Variants in CTNND1 observed in about 807,000 individuals in gnomAD.
CTNND1 encodes catenin delta 1.
A neutral mutation model predicts 112.1 loss-of-function variants in CTNND1; 16 were observed. That is an observed-to-expected ratio of 0.14 (90% confidence interval 0.10 to 0.22). The LOEUF is 0.22. CTNND1 is among the 10% of genes least tolerant of loss of function. The pLI is 1.00. For missense variants in CTNND1, 1,008 were observed against 1,257.0 expected (o/e 0.80, Z 3.00); for synonymous variants, 420 against 446.5 (o/e 0.94, Z 0.75).
At chr11:57,773,141 ATGG>A (rs1246552692) in intron 1 of CTNND1, among the ~76,000 whole-genome samples, 1 of 152,116 alleles carries the variant, frequency 6.6e-6, no homozygotes, top group African/African-American at 2.4e-5. Flanking sequence ...TCATATATAG[ATGG>A]TGTGAGATGT....
rs997471761 is a variant in CTNND1 at position 57,816,965 on chromosome 11, G to A, written c.*657G>A. ...AGGCAGGGACCATCAAGAACCTACA[G>A]ACTCCATCTCTTCTGCAAGCCTCAT... On this transcript the variant is annotated 3_prime_UTR_variant, in exon 21 of 21. Coordinates refer to ENST00000399050, the MANE Select transcript of CTNND1 (RefSeq NM_001085458.2). The A allele has an allele frequency of 6.5e-6, 1 of 154,030 alleles. No homozygotes were observed. The highest frequency in any genetic ancestry group is 1.4e-5 in the Non-Finnish European group (1 of 69,248). The allele number at this position is 154,030 out of a possible 1,614,324, so 9.5% of individuals were successfully genotyped here. A position where few individuals can be genotyped will look rare whatever the true frequency, so the allele number is the denominator to read the frequency against.
chr11:57,791,784 C>T (rs1488929286), intron 3 of CTNND1, 111 bp downstream of exon 3: 16 of 1,192,448 alleles, frequency 1.3e-5, no homozygotes, highest in East Asian at 1.2e-4. Context: ...GTCCAGTGCC[C>T]GTTCTTCCAG....
chr11:57,796,845 T>A lies in CTNND1; in HGVS notation c.809T>A (p.Val270Glu). The change falls in exon 6 of 21, where the codon GTG becomes GAG. Residue 270 changes from valine to glutamate, a missense_variant. Physicochemically the swap from Val to Glu is moderately radical, Grantham distance 121. Transcript: ENST00000399050. ...CAGGTTCGGGTAGGTGGGAGCAGCG[T>A]GGATCTGCATCGCTTTCATCCAGAG... is the stretch of plus-strand genomic sequence containing the variant. ...QPQVRVGGSS[V>E]DLHRFHPEPY... 3.7e-6 allele frequency: 6 copies of A among 1,612,024 alleles called. No homozygotes were observed. The highest frequency in any genetic ancestry group is 5.1e-6 in the Non-Finnish European group (6 of 1,178,638).
intron 1 of CTNND1, among the ~76,000 whole-genome samples, chr11:57,771,406 TG>T (rs1464907770): frequency 1.4e-5 from 2 of 145,902 alleles, no homozygotes; most frequent in Non-Finnish European, 3.0e-5. Context: ...CGTCTCAGGG[TG>T]GGGGTGAGGT....
In CTNND1 at chr11:57,791,592, G is replaced by A. The variant is rs759512445; in HGVS notation, c.114G>A (p.Ser38=). 7 of 1,611,468 alleles carry A rather than the reference G, an allele frequency of 4.3e-6. No homozygotes were observed. Among genetic ancestry groups the A allele is most frequent in the Non-Finnish European group, 5.1e-6 (6 of 1,178,886 alleles). ...RALEEERRHV[S]AQLERVRVSP... ...TGGAGGAGGAACGGCGCCACGTCTC[G>A]GCGCAGCTGGAACGCGTCCGGGTCT... is the stretch of plus-strand genomic sequence containing the variant. Residue 38 remains serine, a synonymous_variant, in exon 3 of 21, where the codon TCG becomes TCA. Coordinates refer to ENST00000399050, the MANE Select transcript of CTNND1 (RefSeq NM_001085458.2).
intron 1 of CTNND1, among the ~76,000 whole-genome samples, chr11:57,775,823 T>C (rs1398972360): frequency 6.6e-6 from 1 of 152,228 alleles, no homozygotes; most frequent in Non-Finnish European, 1.5e-5. Context: ...TTTTCCTTAC[T>C]TGAAACATGT....
intron 17 of CTNND1, among the ~76,000 whole-genome samples, chr11:57,813,174 A>C (rs902873435): frequency 3.3e-5 from 5 of 152,004 alleles, no homozygotes; most frequent in African/African-American, 4.8e-5. Flanking sequence ...GTACAAAAAA[A>C]TTAGCCAGGC....
At chr11:57,809,149 G>A in intron 14 of CTNND1, 125 bp from the exon 15 acceptor site, 1 of 665,392 alleles carries the variant, frequency 1.5e-6, no homozygotes. Flanking sequence ...TAATCCTATA[G>A]GATAATGAAG....
At chr11:57,765,906 C>T (rs548697857) in intron 1 of CTNND1, among the ~76,000 whole-genome samples, 12 of 152,242 alleles carry the variant, frequency 7.9e-5, no homozygotes, top group African/African-American at 2.9e-4. Flanking sequence ...TGCGGTGGCT[C>T]ACGCCTGTGA....
In CTNND1 at chr11:57,783,425, C is replaced by T. The variant is rs572845880; in HGVS notation, c.-213-5612C>T. Among the ~76,000 whole-genome samples the T allele has an allele frequency of 1.3e-3, 203 of 152,228 alleles. 2 individuals carry two copies. The highest frequency in any genetic ancestry group is 3.9e-3 in the African/African-American group (161 of 41,540). On this transcript the variant is annotated intron_variant, in intron 1 of 20. Coordinates refer to ENST00000399050, the MANE Select transcript of CTNND1 (RefSeq NM_001085458.2). ...CTGTAATCCCAGCACTTTGGAAGGCCGCGGCGGGTGGATCACGAGGTCAGG... is the reference window on the plus strand; with the variant it reads ...CTGTAATCCCAGCACTTTGGAAGGCTGCGGCGGGTGGATCACGAGGTCAGG...
At chr11:57,777,002 T>C (rs1954424415) in intron 1 of CTNND1, among the ~76,000 whole-genome samples, 2 of 152,204 alleles carry the variant, frequency 1.3e-5, no homozygotes, top group South Asian at 4.1e-4. Context: ...CTCATTTATT[T>C]GGTCTGGGCT....
At chr11:57,772,343 A>T (rs139936518) in intron 1 of CTNND1, among the ~76,000 whole-genome samples, 77 of 152,170 alleles carry the variant, frequency 5.1e-4, no homozygotes, top group African/African-American at 1.7e-3. Flanking sequence ...TTTCCTTTTG[A>T]GGACAAAATT....
chr11:57,804,613 G>A (rs748484315), intron 8 of CTNND1, 50 bp from the exon 9 acceptor site: 34 of 1,399,006 alleles, frequency 2.4e-5, no homozygotes, highest in Non-Finnish European at 3.3e-5. Flanking sequence ...GGATATTTAA[G>A]GGAGGATTTC....
chr11:57,783,603 G>A (rs1591343712), intron 1 of CTNND1, among the ~76,000 whole-genome samples: 1 of 151,672 alleles, frequency 6.6e-6, no homozygotes, highest in Admixed American at 6.6e-5. Flanking sequence ...AGCTTGCAGT[G>A]AGCCGAGATC....
At chr11:57,805,160 A>G (rs11570205) in intron 9 of CTNND1, among the ~76,000 whole-genome samples, 1 of 152,168 alleles carries the variant, frequency 6.6e-6, no homozygotes, top group Non-Finnish European at 1.5e-5. Context: ...CAGCCTCCCA[A>G]AGCATTGGGA....
intron 1 of CTNND1, among the ~76,000 whole-genome samples, chr11:57,771,136 GT>G (rs533251501): frequency 2.7e-4 from 40 of 147,562 alleles, no homozygotes; most frequent in African/African-American, 4.0e-4. Flanking sequence ...AAAGAAAGTT[GT>G]TTTTTTTTTC....
At position 57,818,691 on chromosome 11, in the gene CTNND1, T is replaced by A. The variant is rs1217045449; in HGVS notation, c.*2383T>A. The A allele has an allele frequency of 6.6e-6, 1 of 152,242 alleles. No homozygotes were observed. Among genetic ancestry groups the A allele is most frequent in the Non-Finnish European group, 1.5e-5 (1 of 68,036 alleles). The allele number at this position is 152,242 out of a possible 1,614,324, so 9.4% of individuals were successfully genotyped here. A position where few individuals can be genotyped will look rare whatever the true frequency, so the allele number is the denominator to read the frequency against. On this transcript the variant is annotated 3_prime_UTR_variant, in exon 21 of 21. Coordinates refer to ENST00000399050, the MANE Select transcript of CTNND1 (RefSeq NM_001085458.2). The stretch of plus-strand genomic sequence containing the variant: ...GGCTGAAGTTGAACATGGGAGCTTA[T>A]TGCTAATTTAGAGATAGGAAACTGA...
Position 57,806,975 on chromosome 11 carries a change from C to T in CTNND1, c.1955C>T (p.Pro652Leu). Residue 652 changes from proline (P) to leucine (L), a missense_variant, in exon 12 of 21, where the codon CCA (proline) becomes CTA (leucine). Around this residue, in one of 5 missense-constraint regions of CTNND1, gnomAD observed 254 missense variants for 279.5 expected, o/e 0.91. Transcript: ENST00000399050. ...GTGGATTTCCCTAAAAGAACGAGTCCAGCTCGAGGTAAGTTATCTTCTCAG... is the reference window on the plus strand; with the variant it reads ...GTGGATTTCCCTAAAAGAACGAGTCTAGCTCGAGGTAAGTTATCTTCTCAG... ...DTVDFPKRTS[P>L]ARGYELLFQP... 6.3e-7 allele frequency: 1 copy of T among 1,596,948 alleles called. No individual in the cohort carries two copies. The highest frequency in any genetic ancestry group is 1.3e-5 in the African/African-American group (1 of 74,786).
intron 1 of CTNND1, among the ~76,000 whole-genome samples, chr11:57,770,383 G>A (rs371167480): frequency 1.3e-5 from 2 of 151,522 alleles, no homozygotes; most frequent in East Asian, 1.9e-4. Context: ...GGTTGGGCTC[G>A]GTGGCTCACA....
Sources: allele counts gnomAD v4.1 joint callset (sites outside exome capture counted in the v4.1 genomes callset), GRCh38; gene constraint gnomAD v4.1.1; regional missense constraint gnomAD v4.1.1; transcripts MANE v1.5; gene names NCBI Gene and HGNC (gene_info 2026-07-23, HGNC 2026-07-21).